SAMSN1: variants seen among roughly 807,000 people sequenced by gnomAD.
SAMSN1 encodes the protein SAM domain-containing protein SAMSN-1.
A neutral mutation model predicts 42.0 loss-of-function variants in SAMSN1; 31 were observed. The observed-to-expected ratio is 0.74, with a 90% CI of 0.55 to 1.00. SAMSN1 has a LOEUF of 1.00. SAMSN1 is among the 50% of genes least tolerant of loss of function. The pLI, the probability that SAMSN1 is intolerant of heterozygous loss-of-function variation, is 0.00. For missense variants in SAMSN1, 464 were observed against 439.4 expected (o/e 1.06, Z -0.50); for synonymous variants, 178 against 151.9 (o/e 1.17, Z -1.26).
rs574765804 is a variant in SAMSN1 at position 14,605,878 on chromosome 21, G to T, written c.322+3604C>A. 9.9e-5 allele frequency among the ~76,000 whole-genome samples: 15 copies of T among 151,188 alleles called. No individual in the cohort carries two copies. In the South Asian group the frequency reaches 3.1e-3, roughly 31 times the overall value. Reference sequence around the variant, plus strand: ...TTTTTTTGAGATGGAGTCTCACTCTGTCGCCCAGGCTGGAGTGCAGTGGCG... The same window carrying T: ...TTTTTTTGAGATGGAGTCTCACTCTTTCGCCCAGGCTGGAGTGCAGTGGCG... On this transcript the variant is annotated intron_variant, in intron 5 of 15. Transcript: ENST00000647101.
At chr21:14,553,278 G>A (rs1262822319) in intron 2 of SAMSN1, among the ~76,000 whole-genome samples, 1 of 151,816 alleles carries the variant, frequency 6.6e-6, no homozygotes, top group Admixed American at 6.6e-5. Context: ...AATGCTTTAT[G>A]TTCCTCTTTT....
chr21:14,502,496 C>A (rs1400875308), intron 5 of SAMSN1, among the ~76,000 whole-genome samples: 1 of 152,126 alleles, frequency 6.6e-6, no homozygotes, highest in Non-Finnish European at 1.5e-5. Flanking sequence ...GGATAAGACC[C>A]TTGATGGAAA....
intron 2 of SAMSN1, among the ~76,000 whole-genome samples, chr21:14,577,271 TATA>T: frequency 1.9e-5 from 1 of 52,948 alleles, no homozygotes; most frequent in African/African-American, 1.2e-4. Context: ...TATATATATA[TATA>T]TATATATATA....
At chr21:14,547,037 A>ATGTT (rs1350491999), upstream of SAMSN1, among the ~76,000 whole-genome samples, 1 of 152,170 alleles carries the variant, frequency 6.6e-6, no homozygotes, top group African/African-American at 2.4e-5. Context: ...TAAATAAACA[A>ATGTT]TGTTAGAAGA....
At chr21:14,581,190 C>CTAATGT (rs952102664) in intron 2 of SAMSN1, among the ~76,000 whole-genome samples, 5 of 151,888 alleles carry the variant, frequency 3.3e-5, no homozygotes, top group Non-Finnish European at 7.4e-5. Context: ...GGAAAACACT[C>CTAATGT]TAATGTAGTA....
At chr21:14,516,515 C>T (rs1396582832) in intron 3 of SAMSN1, among the ~76,000 whole-genome samples, 1 of 152,202 alleles carries the variant, frequency 6.6e-6, no homozygotes, top group Non-Finnish European at 1.5e-5. Context: ...CCTCAGCCTC[C>T]TGAGTAGCTA....
intron 1 of SAMSN1, among the ~76,000 whole-genome samples, chr21:14,529,401 G>T (rs1010289589): frequency 6.6e-6 from 1 of 152,182 alleles, no homozygotes; most frequent in Non-Finnish European, 1.5e-5. Flanking sequence ...TACTCTTCAA[G>T]TTAAATGTCA....
At chr21:14,607,370 T>A (rs1034125560) in intron 5 of SAMSN1, among the ~76,000 whole-genome samples, 1 of 152,174 alleles carries the variant, frequency 6.6e-6, no homozygotes, top group African/African-American at 2.4e-5. Context: ...ACTATACCCA[T>A]AAAATTTGAG....
chr21:14,622,007 C>T (rs534820309), intron 2 of SAMSN1, among the ~76,000 whole-genome samples: 1 of 152,236 alleles, frequency 6.6e-6, no homozygotes, highest in Non-Finnish European at 1.5e-5. Flanking sequence ...AATACCCAGG[C>T]AAACAGGGTC....
rs540051054 is a variant in SAMSN1 at position 14,544,507 on chromosome 21, T to C, written c.57+1698A>G. Among the ~76,000 whole-genome samples the C allele has an allele frequency of 1.3e-4, 20 of 152,342 alleles. No individual in the cohort carries two copies. The East Asian group carries it at 2.1e-3, about 16-fold the overall frequency. On this transcript the variant is annotated intron_variant, in intron 1 of 7. Coordinates refer to ENST00000400566, the MANE Select transcript of SAMSN1 (RefSeq NM_022136.5). ...AATCCAACTGAATGTATGAAAAACA[T>C]GCCTGTGCCTCTATATTCACATCTC...
At position 14,559,490 on chromosome 21, in the gene SAMSN1, ATC is replaced by A. The variant is rs148350242; in HGVS notation, c.261+22644_261+22645del. On this transcript the variant is annotated intron_variant, in intron 2 of 8. Coordinates refer to the SAMSN1 transcript ENST00000285670. The stretch of plus-strand genomic sequence containing the variant: ...TGACTAGTGAAGGTCCCTTGGGAGA[ATC>A]TGTCTCTTTCTGTCTCTCTTCTTTT... 3.1e-3 allele frequency among the ~76,000 whole-genome samples: 467 copies of A among 152,192 alleles called. 1 individual carries two copies. The highest frequency in any genetic ancestry group is 0.011 in the African/African-American group (438 of 41,528).
At chr21:14,538,856 T>C (rs1555834709) in intron 1 of SAMSN1, among the ~76,000 whole-genome samples, 1 of 151,728 alleles carries the variant, frequency 6.6e-6, no homozygotes, top group Non-Finnish European at 1.5e-5. Flanking sequence ...AAAGAATGGT[T>C]AAAAAAAAGG....
Position 14,621,595 on chromosome 21 carries a change from G to GGAGGGGCGTCCACCATTGCT in SAMSN1, c.157-5580_157-5579insAGCAATGGTGGACGCCCCTC, listed in dbSNP as rs199797741. Among the ~76,000 whole-genome samples, 772 of 151,678 alleles carry GGAGGGGCGTCCACCATTGCT rather than the reference G, an allele frequency of 5.1e-3. 12 individuals carry two copies. Among genetic ancestry groups the GGAGGGGCGTCCACCATTGCT allele is most frequent in the African/African-American group, 0.018 (755 of 41,286 alleles). On this transcript the variant is annotated intron_variant, in intron 2 of 15. Coordinates refer to the SAMSN1 transcript ENST00000647101. ...ACTGCAAGGTCACAGAGAGGCTGGGGGAGGCTTGAGTAGATAAACAAAGTG... is the reference window on the plus strand; with the variant it reads ...ACTGCAAGGTCACAGAGAGGCTGGGGGAGGGGCGTCCACCATTGCTGAGGCTTGAGTAGATAAACAAAGTG...
At chr21:14,645,080 G>C (rs1229907870) in intron 1 of SAMSN1, among the ~76,000 whole-genome samples, 1 of 152,170 alleles carries the variant, frequency 6.6e-6, no homozygotes, top group African/African-American at 2.4e-5. Context: ...CCAGGGCCTG[G>C]GGGCCTTCAG....
At chr21:14,601,840 T>A (rs1402300218) in intron 6 of SAMSN1, among the ~76,000 whole-genome samples, 1 of 152,128 alleles carries the variant, frequency 6.6e-6, no homozygotes, top group Non-Finnish European at 1.5e-5. Flanking sequence ...CATCATTGAA[T>A]TTTTTTCATT....
At chr21:14,577,248 A>G (rs1335554179) in intron 2 of SAMSN1, among the ~76,000 whole-genome samples, 6 of 30,568 alleles carry the variant, frequency 2.0e-4, no homozygotes, top group African/African-American at 1.3e-3. Flanking sequence ...GTATATATAT[A>G]TATATATATA....
At chr21:14,493,901 G>T (rs773529475) in intron 7 of SAMSN1, among the ~76,000 whole-genome samples, 6 of 152,086 alleles carry the variant, frequency 3.9e-5, no homozygotes, top group East Asian at 1.9e-4. Context: ...ACCCCAGGGT[G>T]GTTATCCTCC....
chr21:14,586,807 G>T (rs1981932812), upstream of SAMSN1, among the ~76,000 whole-genome samples: 1 of 152,160 alleles, frequency 6.6e-6, no homozygotes, highest in African/African-American at 2.4e-5. Context: ...TTCAGCAGAT[G>T]GTCAGAAAGA....
chr21:14,590,882 G>A (rs113495906), intron 7 of SAMSN1, among the ~76,000 whole-genome samples: 61 of 152,158 alleles, frequency 4.0e-4, no homozygotes, highest in African/African-American at 1.4e-3. Context: ...TAATTTTTAA[G>A]GTCACAATGA....
Sources: allele counts gnomAD v4.1 joint callset (sites outside exome capture counted in the v4.1 genomes callset), GRCh38; gene constraint gnomAD v4.1.1; transcripts MANE v1.5; gene names NCBI Gene and HGNC (gene_info 2026-07-23, HGNC 2026-07-21).